Variants in PCDHA11 observed in about 807,000 individuals in gnomAD.
PCDHA11 encodes the protein protocadherin alpha-11.
Under a neutral mutation model 70.3 loss-of-function variants are expected in PCDHA11, and 61 were observed. That is an observed-to-expected ratio of 0.87 (90% CI 0.71 to 1.07). The LOEUF (loss-of-function observed/expected upper bound fraction) is 1.07, where lower values mean the gene tolerates loss of function less well. Ranked by LOEUF, PCDHA11 falls within the 50% of genes least tolerant of loss-of-function variation. The pLI is 0.00. For synonymous variants in PCDHA11, 633 were observed against 555.1 expected (o/e 1.14, Z -1.97); for missense variants, 1,324 against 1,237.5 (o/e 1.07, Z -1.05).
In PCDHA11 at chr5:140,871,449, G is replaced by T. The variant is rs782722272; in HGVS notation, c.2346G>T (p.Glu782Asp). The T allele has an allele frequency of 2.7e-5, 43 of 1,608,644 alleles. No homozygotes were observed. The highest frequency in any genetic ancestry group is 3.7e-5 in the Non-Finnish European group (43 of 1,177,128). ...SPSLPLGLNK[E>D]EEGERQEPGS... ...GTCTTCCTCTAGGTCTGAATAAAGA[G>T]GAGGAAGGGGAAAGACAGGAGCCAG... Residue 782 changes from glutamate to aspartate, a missense_variant, in exon 1 of 4, where the codon GAG becomes GAT. Physicochemically the swap from Glu to Asp is conservative, Grantham distance 45. Coordinates refer to ENST00000398640, the MANE Select transcript of PCDHA11 (RefSeq NM_018902.5).
chr5:140,883,865 T>C, intron 1 of PCDHA11: 2 of 1,613,076 alleles, frequency 1.2e-6, no homozygotes, highest in East Asian at 2.2e-5. Flanking sequence ...GCTGTTGCAG[T>C]TCCAGGTGAG....
At chr5:140,966,233 C>T (rs1554228161) in intron 1 of PCDHA11, 1 of 287,374 alleles carries the variant, frequency 3.5e-6, no homozygotes, top group Non-Finnish European at 6.4e-6. Flanking sequence ...CCTTAAAGAC[C>T]CGTTAAGCAG....
At chr5:140,883,024 A>G (rs782136244) in intron 1 of PCDHA11, 3 of 1,614,184 alleles carry the variant, frequency 1.9e-6, no homozygotes, top group Non-Finnish European at 2.5e-6. Context: ...TGACGGTGTT[A>G]GAGAACGCCT....
At chr5:140,926,888 G>A in intron 1 of PCDHA11, 1 of 1,544,494 alleles carries the variant, frequency 6.5e-7, no homozygotes, top group Non-Finnish European at 8.7e-7. Flanking sequence ...ACGCCTAGAG[G>A]GAGGATGGTG....
At chr5:140,884,907 C>T (rs1263861482) in intron 1 of PCDHA11, among the ~76,000 whole-genome samples, 2 of 152,148 alleles carry the variant, frequency 1.3e-5, no homozygotes, top group Non-Finnish European at 2.9e-5. Flanking sequence ...CTGTTGTATT[C>T]TTAATAGTTC....
intron 1 of PCDHA11, among the ~76,000 whole-genome samples, chr5:140,975,647 T>G (rs1563441442): frequency 6.6e-6 from 1 of 152,254 alleles, no homozygotes; most frequent in Non-Finnish European, 1.5e-5. Flanking sequence ...GCATATTATT[T>G]CATTGAGTAG....
At chr5:140,972,005 C>T (rs1236779874) in intron 1 of PCDHA11, among the ~76,000 whole-genome samples, 1 of 151,980 alleles carries the variant, frequency 6.6e-6, no homozygotes, top group Admixed American at 6.6e-5. Flanking sequence ...GTTTATATTC[C>T]CTTTTATATG....
At chr5:140,946,249 C>T (rs930979647) in intron 1 of PCDHA11, among the ~76,000 whole-genome samples, 2 of 151,896 alleles carry the variant, frequency 1.3e-5, no homozygotes, top group Admixed American at 6.6e-5. Flanking sequence ...CATCATGAAT[C>T]ATCAGAAAAA....
At chr5:141,002,807 C>T (rs1297773193) in intron 3 of PCDHA11, among the ~76,000 whole-genome samples, 1 of 152,152 alleles carries the variant, frequency 6.6e-6, no homozygotes, top group Non-Finnish European at 1.5e-5. Flanking sequence ...GAAACTGAGG[C>T]TCAGAGATAT....
At chr5:140,934,738 C>T (rs1342430086) in intron 1 of PCDHA11, among the ~76,000 whole-genome samples, 1 of 152,078 alleles carries the variant, frequency 6.6e-6, no homozygotes, top group Admixed American at 6.5e-5. Flanking sequence ...TTTTAGGTGT[C>T]ATTATGAACT....
intron 1 of PCDHA11, among the ~76,000 whole-genome samples, chr5:140,960,361 T>C (rs1262686301): frequency 2.6e-5 from 4 of 152,194 alleles, no homozygotes; most frequent in Non-Finnish European, 4.4e-5. Context: ...TGAAATAATA[T>C]GCCAACTCTT....
In PCDHA11 at chr5:141,010,048, C is replaced by T; in HGVS notation, c.*111C>T. 4 of 1,597,434 alleles carry T rather than the reference C, an allele frequency of 2.5e-6. No homozygotes were observed. The highest frequency in any genetic ancestry group is 3.4e-6 in the Non-Finnish European group (4 of 1,172,252). Reference sequence around the variant, plus strand: ...CTATCTACATGAGCCCTCTTAGAGACCTCAGAAATCTGCAGAAAGTTCCCT... The same window carrying T: ...CTATCTACATGAGCCCTCTTAGAGATCTCAGAAATCTGCAGAAAGTTCCCT... On this transcript the variant is annotated 3_prime_UTR_variant, in exon 4 of 4. Coordinates refer to ENST00000398640, the MANE Select transcript of PCDHA11 (RefSeq NM_018902.5).
intron 1 of PCDHA11, among the ~76,000 whole-genome samples, chr5:140,974,062 G>T (rs1014435483): frequency 2.0e-5 from 3 of 152,222 alleles, no homozygotes; most frequent in Non-Finnish European, 4.4e-5. Context: ...ATTTGGAGCA[G>T]TATAATCTAT....
At chr5:140,938,209 G>A (rs1210350140) in intron 1 of PCDHA11, among the ~76,000 whole-genome samples, 3 of 152,160 alleles carry the variant, frequency 2.0e-5, no homozygotes, top group Admixed American at 6.5e-5. Flanking sequence ...GCCTCCCAAA[G>A]TGCTGGGATT....
At chr5:140,976,286 C>G (rs1554237455) in intron 1 of PCDHA11, among the ~76,000 whole-genome samples, 2 of 152,098 alleles carry the variant, frequency 1.3e-5, no homozygotes, top group African/African-American at 2.4e-5. Flanking sequence ...CACAGTGGCT[C>G]AAGCCTGTAA....
intron 1 of PCDHA11, among the ~76,000 whole-genome samples, chr5:140,932,493 T>A (rs148938081): frequency 6.6e-6 from 1 of 152,006 alleles, no homozygotes; most frequent in East Asian, 1.9e-4. Context: ...CTTTGCAATG[T>A]CATTTGTTAA....
At chr5:140,882,701 T>C in intron 1 of PCDHA11, 2 of 1,614,138 alleles carry the variant, frequency 1.2e-6, no homozygotes, top group South Asian at 1.1e-5. Context: ...CATTGCAGAA[T>C]CTAGACCTCC....
intron 1 of PCDHA11, chr5:140,966,244 G>C (rs1302762597): frequency 3.2e-6 from 1 of 315,708 alleles, no homozygotes; most frequent in Non-Finnish European, 5.7e-6. Context: ...CGTTAAGCAG[G>C]GGAGAGACGG....
At chr5:140,934,502 A>G (rs1311901724) in intron 1 of PCDHA11, among the ~76,000 whole-genome samples, 2 of 152,144 alleles carry the variant, frequency 1.3e-5, no homozygotes, top group Non-Finnish European at 2.9e-5. Flanking sequence ...TAAACACCCA[A>G]AGGGTCCATA....
Sources: gnomAD v4.1 joint callset for allele counts (sites outside exome capture counted in the v4.1 genomes callset) on GRCh38, gnomAD v4.1.1 for gene constraint, MANE v1.5 for transcripts, NCBI Gene and HGNC (gene_info 2026-07-23, HGNC 2026-07-21) for gene names.